The following COL23A1 variants were observed in gnomAD, a reference collection of about 807,000 sequenced individuals.
COL23A1 encodes collagen type XXIII alpha 1 chain, also known as collagen alpha-1(XXIII) chain.
COL23A1 carries 97 observed loss-of-function variants against 99.3 expected under a neutral mutation model. That is an observed-to-expected ratio of 0.98 (90% CI 0.83 to 1.16). COL23A1 has a LOEUF of 1.16. Among genes scored for constraint, COL23A1 ranks in the 50% most tolerant of loss-of-function variants. COL23A1 has a pLI of 0.00. For missense variants in COL23A1, 762 were observed against 757.4 expected, an observed-to-expected ratio of 1.01 and a Z score of -0.07; for synonymous variants, 320 against 308.2, an observed-to-expected ratio of 1.04 and a Z score of -0.40.
At chr5:178,270,613 G>T (rs1561811384) in intron 5 of COL23A1, among the ~76,000 whole-genome samples, 1 of 152,306 alleles carries the variant, frequency 6.6e-6, no homozygotes, top group African/African-American at 2.4e-5. Flanking sequence ...CAACCCATGG[G>T]GTCTGGGTGG....
At chr5:178,342,463 C>T (rs1369087843) in intron 2 of COL23A1, among the ~76,000 whole-genome samples, 2 of 152,186 alleles carry the variant, frequency 1.3e-5, no homozygotes, top group Admixed American at 1.3e-4. Flanking sequence ...GGCAGTGGCT[C>T]AAAGGCCCCC....
At chr5:178,581,478 A>AT (rs1763654859) in intron 1 of COL23A1, among the ~76,000 whole-genome samples, 1 of 151,980 alleles carries the variant, frequency 6.6e-6, no homozygotes, top group Non-Finnish European at 1.5e-5. Context: ...AGGCAGGAGA[A>AT]TCGCTTGAAC....
chr5:178,451,750 C>T (rs948007237), intron 2 of COL23A1, among the ~76,000 whole-genome samples: 3 of 151,542 alleles, frequency 2.0e-5, no homozygotes, highest in Non-Finnish European at 2.9e-5. Flanking sequence ...AGAAAACATC[C>T]TATTTCTTTC....
In COL23A1 at chr5:178,319,052, G is replaced by A. The variant is rs1015746594; in HGVS notation, c.362-12133C>T. Among the ~76,000 whole-genome samples the A allele has an allele frequency of 3.0e-4, 45 of 152,198 alleles. 1 individual carries two copies. Among genetic ancestry groups the A allele is most frequent in the African/African-American group, 1.1e-3 (44 of 41,460 alleles). On this transcript the variant is annotated intron_variant, in intron 2 of 28. Coordinates refer to ENST00000390654, the MANE Select transcript of COL23A1 (RefSeq NM_173465.4). ...CAGGACTGCTGGTACCCTCACAGGC[G>A]GCAGGTACAGCCATGGTGCAGGCTG...
rs139361827 is a variant in COL23A1 at position 178,545,550 on chromosome 5, C to T, written c.361+15132G>A. Among the ~76,000 whole-genome samples, 1,200 of 152,296 alleles carry T rather than the reference C, an allele frequency of 7.9e-3. 18 individuals carry two copies. The highest frequency in any genetic ancestry group is 0.028 in the African/African-American group (1,147 of 41,566). On this transcript the variant is annotated intron_variant, in intron 2 of 28. Coordinates refer to ENST00000390654, the MANE Select transcript of COL23A1 (RefSeq NM_173465.4). ...GACACGGAAGAAAAGGACTTTAACA[C>T]TCGGCCTGCCAATAACCTACAGGGC...
chr5:178,441,717 C>T (rs1003722272), intron 2 of COL23A1, among the ~76,000 whole-genome samples: 12 of 152,064 alleles, frequency 7.9e-5, no homozygotes, highest in Non-Finnish European at 1.5e-4. Flanking sequence ...CACGGGGTGA[C>T]GACGCGGGGT....
At chr5:178,333,491 C>T (rs1398340593) in intron 2 of COL23A1, among the ~76,000 whole-genome samples, 2 of 152,192 alleles carry the variant, frequency 1.3e-5, no homozygotes, top group Non-Finnish European at 2.9e-5. Context: ...CCTCCCCACC[C>T]AGCCACGCCC....
chr5:178,403,138 T>C (rs2910131), intron 2 of COL23A1, among the ~76,000 whole-genome samples: 2 of 94,738 alleles, frequency 2.1e-5, no homozygotes, highest in Admixed American at 1.2e-4. Flanking sequence ...AAATAAAAAA[T>C]AAATACCATT....
chr5:178,408,544 AG>A (rs1240626075), intron 2 of COL23A1, among the ~76,000 whole-genome samples: 1 of 152,178 alleles, frequency 6.6e-6, no homozygotes, highest in Non-Finnish European at 1.5e-5. Flanking sequence ...CAAATGGGGG[AG>A]TGTAAAGGAA....
chr5:178,541,146 T>C (rs1052711883), intron 2 of COL23A1, among the ~76,000 whole-genome samples: 2 of 151,956 alleles, frequency 1.3e-5, no homozygotes, highest in African/African-American at 4.8e-5. Context: ...GATAGACAAA[T>C]AGAACAGAAC....
intron 2 of COL23A1, among the ~76,000 whole-genome samples, chr5:178,433,797 C>T (rs76340491): frequency 0.037 from 5,651 of 152,272 alleles, 341 homozygotes; most frequent in African/African-American, 0.13. Context: ...CACATATTGA[C>T]GTCTTAACCC....
intron 1 of COL23A1, among the ~76,000 whole-genome samples, chr5:178,560,987 G>C (rs575948028): frequency 6.6e-6 from 1 of 152,192 alleles, no homozygotes; most frequent in African/African-American, 2.4e-5. Flanking sequence ...GCAGGTTTCT[G>C]CTTTGTTACA....
In COL23A1 at chr5:178,416,356, G is replaced by A. The variant is rs374187658; in HGVS notation, c.362-109437C>T. Among the ~76,000 whole-genome samples the A allele has an allele frequency of 2.2e-3, 341 of 152,332 alleles. 3 individuals are homozygous for A. The highest frequency in any genetic ancestry group is 7.9e-3 in the African/African-American group (328 of 41,588). On this transcript the variant is annotated intron_variant, in intron 2 of 28. Coordinates refer to ENST00000390654, the MANE Select transcript of COL23A1 (RefSeq NM_173465.4). ...CTGCCTCCCTCAGGAGGCTCCCCGGGCCTCCATCGTGGCTGACCGGAGCTC... is the reference window on the plus strand; with the variant it reads ...CTGCCTCCCTCAGGAGGCTCCCCGGACCTCCATCGTGGCTGACCGGAGCTC...
intron 2 of COL23A1, among the ~76,000 whole-genome samples, chr5:178,339,967 A>G (rs72820951): frequency 0.11 from 17,308 of 152,244 alleles, 1,089 homozygotes; most frequent in Middle Eastern, 0.19. Context: ...TGATTCTGCA[A>G]CAATGACTTA....
In COL23A1 at chr5:178,387,879, T is replaced by C. The variant is rs1763755803; in HGVS notation, c.362-80960A>G. Among the ~76,000 whole-genome samples the C allele has an allele frequency of 6.6e-6, 1 of 152,130 alleles. No homozygotes were observed. Among genetic ancestry groups the C allele is most frequent in the Non-Finnish European group, 1.5e-5 (1 of 68,024 alleles). The stretch of plus-strand genomic sequence containing the variant: ...AGAAAATAAGGAGCCAAAAGCAACC[T>C]GCCTGCAAGGCCTCCTCCCAAGATG... On this transcript the variant is annotated intron_variant, in intron 2 of 28. Transcript: ENST00000390654. The surrounding 1 kb of genome is among the most constrained non-coding windows in gnomAD (Gnocchi z 4.7).
intron 5 of COL23A1, among the ~76,000 whole-genome samples, chr5:178,282,052 C>CAAAA (rs70994994): frequency 6.1e-5 from 6 of 98,704 alleles, no homozygotes; most frequent in Admixed American, 1.1e-4. Flanking sequence ...ACACTGTCTC[C>CAAAA]AAAAAAAAAA....
intron 3 of COL23A1, among the ~76,000 whole-genome samples, chr5:178,301,749 T>C (rs1215616640): frequency 6.6e-6 from 1 of 151,980 alleles, no homozygotes; most frequent in Admixed American, 6.6e-5. Flanking sequence ...CGTCTCCCAC[T>C]CTGTGCTGGC....
chr5:178,243,540 G>C (rs1764522005), intron 25 of COL23A1, among the ~76,000 whole-genome samples: 1 of 151,978 alleles, frequency 6.6e-6, no homozygotes, highest in Non-Finnish European at 1.5e-5. Flanking sequence ...GATTCGACAT[G>C]GTCCCTTGTT....
intron 2 of COL23A1, among the ~76,000 whole-genome samples, chr5:178,458,166 C>CTGAAATA (rs59643812): frequency 0.89 from 134,927 of 151,422 alleles, 60,349 homozygotes; most frequent in East Asian, 1. Flanking sequence ...CTGCGATTGA[C>CTGAAATA]CTCACTTCTG....
Sources: gnomAD v4.1 joint callset for allele counts (sites outside exome capture counted in the v4.1 genomes callset) on GRCh38, gnomAD v4.1.1 for gene constraint, Gnocchi (gnomAD v3.1) non-coding constraint, MANE v1.5 for transcripts, NCBI Gene and HGNC (gene_info 2026-07-23, HGNC 2026-07-21) for gene names.